Variants in TMTC4 observed in about 807,000 individuals in gnomAD.
The protein encoded by TMTC4 is protein O-mannosyl-transferase TMTC4.
In TMTC4, 65 loss-of-function variants were observed where a neutral mutation model predicts 86.0. The ratio of observed to expected loss-of-function variants is 0.76; its 90% confidence interval spans 0.62 to 0.93. TMTC4 has a LOEUF of 0.93. Among genes scored for constraint, TMTC4 ranks in the 40% least tolerant of loss-of-function variants. The probability of loss-of-function intolerance (pLI) is 0.00; values close to 1 mark genes in which losing one functional copy is unlikely to be tolerated. For missense variants in TMTC4, 866 were observed against 948.1 expected (o/e 0.91, Z 1.14); for synonymous variants, 379 against 382.5 (o/e 0.99, Z 0.11).
chr13:100,648,452 G>A (rs77449330), intron 6 of TMTC4, among the ~76,000 whole-genome samples: 12,628 of 151,964 alleles, frequency 0.083, 552 homozygotes, highest in Non-Finnish European at 0.11. Flanking sequence ...TTTTTATAAC[G>A]CGGCTACTTC....
rs981810033 is a variant in TMTC4, at chr13:100,605,426, C to T, written c.2135-284G>A. On this transcript the variant is annotated intron_variant, in intron 18 of 18. Transcript: ENST00000342624. This position sits in a 1 kb window ranked among gnomAD's most constrained non-coding sequence, Gnocchi z 4.3. ...AAAGAAGCAAAAAGAAGAGTACATG[C>T]AATGTCTTAGTGCTGCCATGAAATT... 2.8e-4 allele frequency among the ~76,000 whole-genome samples: 42 copies of T among 152,214 alleles called. No individual in the cohort carries two copies. Among genetic ancestry groups the T allele is most frequent in the South Asian group, 2.1e-3 (10 of 4,820 alleles).
intron 17 of TMTC4, among the ~76,000 whole-genome samples, chr13:100,607,545 A>G (rs1217420940): frequency 1.3e-5 from 2 of 149,458 alleles, no homozygotes; most frequent in African/African-American, 2.6e-5. Flanking sequence ...GGTATCACAC[A>G]TTGAGCTTAA....
chr13:100,627,848 G>T (rs1422526297), intron 12 of TMTC4, among the ~76,000 whole-genome samples: 1 of 152,170 alleles, frequency 6.6e-6, no homozygotes, highest in African/African-American at 2.4e-5. Context: ...GTGGGAAAGA[G>T]ATGTGAGTGG....
At chr13:100,671,311 G>A (rs961743396) in intron 1 of TMTC4, among the ~76,000 whole-genome samples, 20 of 152,068 alleles carry the variant, frequency 1.3e-4, no homozygotes, top group African/African-American at 4.3e-4. Context: ...ATCTGCTTCA[G>A]GCTCAAATAT....
chr13:100,632,393 T>C (rs188024259), intron 12 of TMTC4, among the ~76,000 whole-genome samples: 248 of 152,270 alleles, frequency 1.6e-3, no homozygotes, highest in Non-Finnish European at 2.7e-3. Context: ...ATAATAGAGA[T>C]GAATTATAGA....
At chr13:100,621,425 T>A (rs544211037) in intron 15 of TMTC4, among the ~76,000 whole-genome samples, 4 of 152,282 alleles carry the variant, frequency 2.6e-5, no homozygotes, top group Admixed American at 6.5e-5. Context: ...AGAATTCTTT[T>A]TTTTTATTTT....
intron 7 of TMTC4, chr13:100,638,669 A>G (rs1419316318): frequency 6.6e-6 from 1 of 152,244 alleles, no homozygotes; most frequent in Non-Finnish European, 1.5e-5. Context: ...ATGTGGGAGA[A>G]GCGACACGTA....
chr13:100,634,066 G>A (rs1436071786), intron 12 of TMTC4, among the ~76,000 whole-genome samples: 1 of 151,772 alleles, frequency 6.6e-6, no homozygotes. Context: ...TTGAACCCGG[G>A]AGGTGGAGGC....
At chr13:100,613,564 T>C (rs753794160) in intron 16 of TMTC4, among the ~76,000 whole-genome samples, 121 of 152,258 alleles carry the variant, frequency 7.9e-4, no homozygotes, top group Non-Finnish European at 1.4e-3. Flanking sequence ...ACTATCCATG[T>C]CATTAGCCCC....
Position 100,629,744 on chromosome 13 carries a change from A to C in TMTC4, c.1507-3594T>G, listed in dbSNP as rs149886007. On this transcript the variant is annotated intron_variant, in intron 12 of 18. Transcript: ENST00000342624. Reference sequence around the variant, plus strand: ...GTATTTGGAGATAGGGTCTTTAAAGAGGTAAGTAAGGTCAAATGAGGTCAT... The same window carrying C: ...GTATTTGGAGATAGGGTCTTTAAAGCGGTAAGTAAGGTCAAATGAGGTCAT... 9.2e-5 allele frequency among the ~76,000 whole-genome samples: 14 copies of C among 152,280 alleles called. No homozygotes were observed. The East Asian group carries it at 2.7e-3, about 29-fold the overall frequency.
intron 7 of TMTC4, among the ~76,000 whole-genome samples, chr13:100,640,012 C>T (rs1186082404): frequency 2.6e-5 from 4 of 151,818 alleles, no homozygotes; most frequent in Admixed American, 1.3e-4. Context: ...CTCCCGAGGA[C>T]CTTGTAGATG....
intron 6 of TMTC4, 103 bp from the exon 7 acceptor site, chr13:100,642,414 C>T: frequency 1.5e-6 from 2 of 1,321,596 alleles, no homozygotes; most frequent in Non-Finnish European, 1.1e-6. Context: ...ACAACCATAA[C>T]TTAAAAACAG....
At chr13:100,623,645 GTT>G (rs58766408) in intron 15 of TMTC4, among the ~76,000 whole-genome samples, 2 of 113,310 alleles carry the variant, frequency 1.8e-5, no homozygotes, top group Non-Finnish European at 3.4e-5. Context: ...GTTGGGTTTT[GTT>G]TTTTTTTTTT....
chr13:100,643,315 C>T (rs1883283010), intron 6 of TMTC4, among the ~76,000 whole-genome samples: 1 of 152,214 alleles, frequency 6.6e-6, no homozygotes, highest in African/African-American at 2.4e-5. Flanking sequence ...CCTGGAACTC[C>T]CGGTCTGAAT....
chr13:100,625,547 G>A lies in TMTC4; in HGVS notation c.1824C>T (p.Asn608=). The A allele has an allele frequency of 6.2e-7, 1 of 1,614,060 alleles. No individual in the cohort carries two copies. Among genetic ancestry groups the A allele is most frequent in the African/African-American group, 1.3e-5 (1 of 75,048 alleles). Residue 608 remains asparagine, a synonymous_variant, in exon 15 of 19, where the codon AAC becomes AAT. Coordinates refer to ENST00000342624, the MANE Select transcript of TMTC4 (RefSeq NM_032813.5). ...HRRKYPDCYY[N]LGRLYADLNR... is the part of the protein sequence containing the mutation. Reference sequence around the variant, plus strand: ...ACCCCGCGCTTACCAGACGCCCGAGGTTGTAGTAACAGTCTGGGTATTTCC... The same window carrying A: ...ACCCCGCGCTTACCAGACGCCCGAGATTGTAGTAACAGTCTGGGTATTTCC...
At chr13:100,652,390 A>C (rs1884571843) in intron 6 of TMTC4, among the ~76,000 whole-genome samples, 1 of 152,052 alleles carries the variant, frequency 6.6e-6, no homozygotes, top group Admixed American at 6.6e-5. Flanking sequence ...GAGGCAGGAG[A>C]ATCACTTGAA....
upstream of TMTC4, chr13:100,674,799 G>A: frequency 1.8e-5 from 18 of 983,354 alleles, no homozygotes; most frequent in Non-Finnish European, 2.2e-5. Flanking sequence ...AAACTCTGGC[G>A]GCTCCAGGCA....
In TMTC4 at chr13:100,637,624, C is replaced by A; in HGVS notation, c.913G>T (p.Val305Leu). Residue 305 changes from valine (V) to leucine (L), a missense_variant, in exon 9 of 19, where the codon GTG becomes TTG. Coordinates refer to ENST00000342624, the MANE Select transcript of TMTC4 (RefSeq NM_032813.5). ...LTSGGAGMLY[V>L]RWRIMGTGPP... ...CCCGTGCCCATGATCCTCCAGCGCA[C>A]GTAGAGCATCCCAGCCCCTCCAGAG... 1.2e-6 allele frequency: 2 copies of A among 1,614,174 alleles called. No individual in the cohort carries two copies. Among genetic ancestry groups the A allele is most frequent in the Non-Finnish European group, 1.7e-6 (2 of 1,180,036 alleles).
In TMTC4 at chr13:100,636,721, T is replaced by A; in HGVS notation, c.1013A>T (p.Asn338Ile). The change falls in exon 10 of 19, where the codon AAT becomes ATT. Residue 338 changes from asparagine to isoleucine, a missense_variant. Transcript: ENST00000342624. ...DSMLVRAVNY[N>I]YYYSLNAWLL... ...CCAGGCATTCAATGAATAGTAGTAA[T>A]TGTAGTTTACGGCCTGCCAGTCAAA... 6.2e-7 allele frequency: 1 copy of A among 1,614,086 alleles called. No individual in the cohort carries two copies. Among genetic ancestry groups the A allele is most frequent in the Non-Finnish European group, 8.5e-7 (1 of 1,179,982 alleles).
Sources: gnomAD v4.1 joint callset for allele counts (sites outside exome capture counted in the v4.1 genomes callset) on GRCh38, gnomAD v4.1.1 for gene constraint, Gnocchi (gnomAD v3.1) non-coding constraint, MANE v1.5 for transcripts, NCBI Gene and HGNC (gene_info 2026-07-23, HGNC 2026-07-21) for gene names.